Variants in ARMC9 observed in about 807,000 individuals in gnomAD.
The protein encoded by ARMC9 is lisH domain-containing protein ARMC9.
In ARMC9, 94 loss-of-function variants were observed where a neutral mutation model predicts 107.0. The observed-to-expected ratio is 0.88, with a 90% CI of 0.74 to 1.04. ARMC9 has a LOEUF of 1.04. Among genes scored for constraint, ARMC9 ranks in the 50% least tolerant of loss-of-function variants. The pLI is 0.00. For missense variants in ARMC9, 942 were observed against 1,030.1 expected, an observed-to-expected ratio of 0.91 and a Z score of 1.17; for synonymous variants, 380 against 396.9, an observed-to-expected ratio of 0.96 and a Z score of 0.51.
chr2:231,317,097 T>C (rs189533488), intron 19 of ARMC9, among the ~76,000 whole-genome samples: 67 of 152,330 alleles, frequency 4.4e-4, no homozygotes, highest in Admixed American at 4.4e-3. Context: ...ATATTTTTTT[T>C]CTTTGGTTCT....
chr2:231,213,608 C>T (rs559512348), intron 3 of ARMC9, among the ~76,000 whole-genome samples: 73 of 152,038 alleles, frequency 4.8e-4, no homozygotes, highest in South Asian at 3.3e-3. Context: ...TCCAGAGTAG[C>T]TGAGATTATA....
intron 19 of ARMC9, among the ~76,000 whole-genome samples, chr2:231,318,562 C>T (rs746999668): frequency 5.9e-5 from 9 of 152,100 alleles, no homozygotes; most frequent in Non-Finnish European, 1.3e-4. Context: ...TGCCACTTGC[C>T]CTCTACCACG....
intron 16 of ARMC9, among the ~76,000 whole-genome samples, chr2:231,280,986 G>A (rs2040175149): frequency 6.6e-6 from 1 of 152,172 alleles, no homozygotes; most frequent in African/African-American, 2.4e-5. Flanking sequence ...GCCGAAGGAG[G>A]GCGGTGGGAA....
intron 21 of ARMC9, among the ~76,000 whole-genome samples, chr2:231,351,446 T>C (rs1012348780): frequency 6.6e-6 from 1 of 152,106 alleles, no homozygotes; most frequent in Non-Finnish European, 1.5e-5. Flanking sequence ...TGAACTTTTG[T>C]TACTTGTAGT....
chr2:231,331,973 G>A, intron 20 of ARMC9, 76 bp downstream of exon 20: 1 of 1,228,644 alleles, frequency 8.1e-7, no homozygotes, highest in Non-Finnish European at 1.2e-6. Context: ...TGTTTTCAGT[G>A]ACACAGAGGG....
chr2:231,363,475 C>T (rs79354353), intron 23 of ARMC9, among the ~76,000 whole-genome samples: 253 of 152,258 alleles, frequency 1.7e-3, no homozygotes, highest in African/African-American at 5.7e-3. Flanking sequence ...TGAATGATGG[C>T]ACTGTTTACT....
chr2:231,338,535 C>CTTTTTT (rs764466867), intron 20 of ARMC9, among the ~76,000 whole-genome samples: 2 of 104,794 alleles, frequency 1.9e-5, no homozygotes, highest in Non-Finnish European at 3.7e-5. Context: ...CCCCAATTCA[C>CTTTTTT]TTTTTTTTTT....
At chr2:231,355,299 C>T (rs565548850) in intron 21 of ARMC9, among the ~76,000 whole-genome samples, 2 of 152,236 alleles carry the variant, frequency 1.3e-5, no homozygotes, top group East Asian at 3.9e-4. Context: ...GTGGTTGCAC[C>T]ATGGCACTCC....
At chr2:231,215,061 G>A in intron 4 of ARMC9, 60 bp downstream of exon 4, 1 of 1,558,062 alleles carries the variant, frequency 6.4e-7, no homozygotes, top group East Asian at 2.3e-5. Flanking sequence ...AGTGTTTGCT[G>A]TCATTGTCCA....
At chr2:231,256,964 C>T (rs1333570262) in intron 10 of ARMC9, among the ~76,000 whole-genome samples, 3 of 152,092 alleles carry the variant, frequency 2.0e-5, no homozygotes, top group East Asian at 1.9e-4. Flanking sequence ...TACAGGCATA[C>T]GCCACCACGC....
chr2:231,221,103 CT>C (rs1469992353), intron 5 of ARMC9, among the ~76,000 whole-genome samples: 2 of 152,142 alleles, frequency 1.3e-5, no homozygotes, highest in African/African-American at 4.8e-5. Context: ...GTTCTGGAGG[CT>C]GCAAATCTGA....
Position 231,355,946 on chromosome 2 carries a change from G to A in ARMC9, c.2131+12G>A. 2 of 1,532,844 alleles carry A rather than the reference G, an allele frequency of 1.3e-6. No individual in the cohort carries two copies. Among genetic ancestry groups the A allele is most frequent in the South Asian group, 1.2e-5 (1 of 83,846 alleles). 95.0% of individuals were successfully genotyped at this position (1,532,844 alleles called of 1,614,324 possible). A position where few individuals can be genotyped will look rare whatever the true frequency, so the allele number is the denominator to read the frequency against. On this transcript the variant is annotated intron_variant, in intron 22 of 24. Coordinates refer to ENST00000611582, the MANE Select transcript of ARMC9 (RefSeq NM_001352754.2). ...CGTCTCCTCTTCATGTAAGAATGTG[G>A]GCAGCACACTGGGTCAGTTCTGGGA...
At position 231,355,832 on chromosome 2, in the gene ARMC9, C is replaced by T. The variant is rs906474619; in HGVS notation, c.2029C>T (p.Gln677Ter). 1.3e-6 allele frequency: 2 copies of T among 1,536,144 alleles called. No individual in the cohort carries two copies. Among genetic ancestry groups the T allele is most frequent in the Non-Finnish European group, 1.7e-6 (2 of 1,146,920 alleles). Reference protein sequence around the residue: ...EDQHTPPQTAQHARNGHPQAL... With the variant: ...EDQHTPPQTA ...CCAACACACACCTCCCCAGACAGCC[C>T]AGCACGCCAGAAACGGCCACCCGCA... The change falls in exon 22 of 25, where the codon CAG becomes TAG. Residue 677 changes from glutamine to a stop codon, truncating the protein, a stop_gained. Coordinates refer to ENST00000611582, the MANE Select transcript of ARMC9 (RefSeq NM_001352754.2). LOFTEE classifies it high-confidence loss of function.
intron 20 of ARMC9, among the ~76,000 whole-genome samples, chr2:231,337,586 C>G (rs925452010): frequency 4.1e-5 from 6 of 145,990 alleles, no homozygotes; most frequent in Non-Finnish European, 9.0e-5. Context: ...TCTCCTGCCT[C>G]AGCCTCCCAA....
intron 20 of ARMC9, among the ~76,000 whole-genome samples, chr2:231,339,814 C>G (rs1429514654): frequency 1.3e-5 from 2 of 152,214 alleles, no homozygotes; most frequent in Non-Finnish European, 2.9e-5. Context: ...TGCCTGTAAT[C>G]CCAGCTACTT....
At chr2:231,370,898 T>C (rs2045992036) in intron 24 of ARMC9, 1 of 335,986 alleles carries the variant, frequency 3.0e-6, no homozygotes, top group South Asian at 2.2e-5. Context: ...GCGCATTTCT[T>C]TGGCCGCCCC....
intron 21 of ARMC9, among the ~76,000 whole-genome samples, chr2:231,345,617 C>T (rs1470728841): frequency 1.3e-5 from 2 of 152,136 alleles, no homozygotes; most frequent in Non-Finnish European, 2.9e-5. Flanking sequence ...CTCTGGTCTC[C>T]CTGGGGGCCT....
At position 231,276,667 on chromosome 2, in the gene ARMC9, G is replaced by T; in HGVS notation, c.1366G>T (p.Gly456Cys). The change falls in exon 15 of 25, where the codon GGC becomes TGC. Residue 456 changes from glycine (G) to cysteine (C), a missense_variant. Transcript: ENST00000611582. ...RPLQTAMIQD[G>C]LIFWLVDVLK... is the part of the protein sequence containing the mutation. ...GCTGCAGACAGCGATGATTCAAGAC[G>T]GCCTCATCTTCTGGCTGGTTGATGT... The T allele has an allele frequency of 1.9e-6, 3 of 1,614,132 alleles. No homozygotes were observed. The highest frequency in any genetic ancestry group is 2.5e-6 in the Non-Finnish European group (3 of 1,180,020).
chr2:231,280,954 G>C (rs1300330227), intron 16 of ARMC9, among the ~76,000 whole-genome samples: 1 of 152,140 alleles, frequency 6.6e-6, no homozygotes, highest in Non-Finnish European at 1.5e-5. Context: ...GGCAAGCATT[G>C]AAAGTGCTAA....
Sources: gnomAD v4.1 joint callset for allele counts (sites outside exome capture counted in the v4.1 genomes callset) on GRCh38, gnomAD v4.1.1 for gene constraint, MANE v1.5 for transcripts, NCBI Gene and HGNC (gene_info 2026-07-23, HGNC 2026-07-21) for gene names.